The following SLC9A9 variants were observed in gnomAD, a reference collection of about 807,000 sequenced individuals.
SLC9A9 encodes solute carrier family 9 member A9.
SLC9A9 carries 62 observed loss-of-function variants against 77.8 expected under a neutral mutation model. The ratio of observed to expected loss-of-function variants is 0.80; its 90% CI spans 0.65 to 0.98. The LOEUF is 0.98. Among genes scored for constraint, SLC9A9 ranks in the 50% least tolerant of loss-of-function variants. The probability of loss-of-function intolerance (pLI) is 0.00; values close to 1 mark genes in which losing one functional copy is unlikely to be tolerated. For missense variants in SLC9A9, 775 were observed against 774.9 expected (o/e 1.00, Z 0.00); for synonymous variants, 320 against 283.5 (o/e 1.13, Z -1.29).
At chr3:143,351,600 G>A (rs1156923316) in intron 14 of SLC9A9, among the ~76,000 whole-genome samples, 1 of 152,080 alleles carries the variant, frequency 6.6e-6, no homozygotes, top group Non-Finnish European at 1.5e-5. Context: ...CCAAAGAGTG[G>A]GATTTGTAGA....
chr3:143,437,795 C>T (rs546633403), intron 12 of SLC9A9, among the ~76,000 whole-genome samples: 1 of 152,212 alleles, frequency 6.6e-6, no homozygotes, highest in East Asian at 1.9e-4. Flanking sequence ...AGAAAAATAG[C>T]GCTTATGAGT....
intron 14 of SLC9A9, among the ~76,000 whole-genome samples, chr3:143,327,336 T>G (rs985553724): frequency 2.0e-5 from 3 of 152,176 alleles, no homozygotes; most frequent in African/African-American, 7.2e-5. Context: ...TAAAGGAACT[T>G]TCCTCTTAAA....
chr3:143,290,767 G>C (rs1177484074), intron 14 of SLC9A9, among the ~76,000 whole-genome samples: 4 of 152,154 alleles, frequency 2.6e-5, no homozygotes, highest in African/African-American at 9.7e-5. Context: ...TTTCATTATT[G>C]CTGAGACCTT....
chr3:143,271,205 G>T (rs776481874), intron 14 of SLC9A9, among the ~76,000 whole-genome samples: 12 of 152,288 alleles, frequency 7.9e-5, no homozygotes, highest in South Asian at 2.1e-4. Context: ...AGATAAGGGG[G>T]TACAACTATA....
intron 4 of SLC9A9, among the ~76,000 whole-genome samples, chr3:143,767,535 C>T (rs182040885): frequency 6.6e-6 from 1 of 152,202 alleles, no homozygotes; most frequent in Admixed American, 6.5e-5. Context: ...TGACTCACCT[C>T]ATTCTTATAT....
intron 6 of SLC9A9, among the ~76,000 whole-genome samples, chr3:143,597,573 G>T (rs960431544): frequency 2.6e-5 from 4 of 152,182 alleles, no homozygotes; most frequent in Non-Finnish European, 4.4e-5. Flanking sequence ...GTTGATGAGA[G>T]CTGCTGCTGA....
chr3:143,748,780 T>G (rs1935262937), intron 4 of SLC9A9, among the ~76,000 whole-genome samples: 1 of 145,038 alleles, frequency 6.9e-6, no homozygotes, highest in South Asian at 2.3e-4. Flanking sequence ...CTCGGCTCAC[T>G]GCAAGCTCCG....
intron 6 of SLC9A9, among the ~76,000 whole-genome samples, chr3:143,643,886 T>C (rs777492700): frequency 1.2e-4 from 18 of 151,822 alleles, no homozygotes; most frequent in Non-Finnish European, 1.6e-4. Flanking sequence ...GTGATTGGCT[T>C]ATGGGTGATC....
At chr3:143,799,583 G>A (rs988943993) in intron 2 of SLC9A9, among the ~76,000 whole-genome samples, 1 of 152,164 alleles carries the variant, frequency 6.6e-6, no homozygotes, top group African/African-American at 2.4e-5. Flanking sequence ...TGGCCACTGG[G>A]CCAAGGAATG....
intron 6 of SLC9A9, among the ~76,000 whole-genome samples, chr3:143,595,059 C>A (rs2037730153): frequency 6.6e-6 from 1 of 152,114 alleles, no homozygotes; most frequent in African/African-American, 2.4e-5. Context: ...TGGAGTACAT[C>A]TAGACAGGAT....
intron 11 of SLC9A9, among the ~76,000 whole-genome samples, chr3:143,491,750 T>C (rs894239667): frequency 6.6e-6 from 1 of 152,176 alleles, no homozygotes; most frequent in African/African-American, 2.4e-5. Flanking sequence ...CTCAAAGCAT[T>C]GTTTGTCAAA....
intron 14 of SLC9A9, among the ~76,000 whole-genome samples, chr3:143,357,747 C>T (rs1235115532): frequency 6.6e-6 from 1 of 152,082 alleles, no homozygotes; most frequent in East Asian, 1.9e-4. Context: ...TCAGTTGCCT[C>T]ATTTATAAAA....
At chr3:143,791,679 A>G (rs572542942) in intron 4 of SLC9A9, among the ~76,000 whole-genome samples, 2 of 152,292 alleles carry the variant, frequency 1.3e-5, no homozygotes, top group South Asian at 4.1e-4. Context: ...ATCCTTCTCC[A>G]CTAAATGTCT....
chr3:143,625,840 G>C (rs1182222028), intron 6 of SLC9A9, among the ~76,000 whole-genome samples: 2 of 152,140 alleles, frequency 1.3e-5, no homozygotes, highest in African/African-American at 2.4e-5. Flanking sequence ...CCTACAGAAT[G>C]GGAGAAAATT....
chr3:143,647,792 G>A (rs545534842), intron 6 of SLC9A9, among the ~76,000 whole-genome samples: 20 of 151,798 alleles, frequency 1.3e-4, no homozygotes, highest in African/African-American at 4.3e-4. Context: ...ATCAGTTTTG[G>A]TTGTGAGCAC....
At chr3:143,689,899 G>A (rs191758014) in intron 5 of SLC9A9, among the ~76,000 whole-genome samples, 1 of 152,050 alleles carries the variant, frequency 6.6e-6, no homozygotes, top group African/African-American at 2.4e-5. Flanking sequence ...GGGTAAAGGA[G>A]ACAGGGAGAG....
intron 11 of SLC9A9, among the ~76,000 whole-genome samples, chr3:143,482,749 T>C (rs12488945): frequency 0.32 from 48,098 of 152,166 alleles, 8,669 homozygotes; most frequent in African/African-American, 0.5. Context: ...TTAAAACAAG[T>C]GGACTGATCT....
At chr3:143,768,340 T>C (rs1377225156) in intron 4 of SLC9A9, among the ~76,000 whole-genome samples, 1 of 152,202 alleles carries the variant, frequency 6.6e-6, no homozygotes, top group Non-Finnish European at 1.5e-5. Flanking sequence ...TGTATATTAA[T>C]TTATTTAATC....
intron 14 of SLC9A9, among the ~76,000 whole-genome samples, chr3:143,321,530 C>T (rs922520591): frequency 2.6e-5 from 4 of 152,156 alleles, no homozygotes; most frequent in African/African-American, 9.7e-5. Context: ...TCTTCATTGG[C>T]TGCCTTTCAT....
Sources: gnomAD v4.1 joint callset for allele counts (sites outside exome capture counted in the v4.1 genomes callset) on GRCh38, gnomAD v4.1.1 for gene constraint, MANE v1.5 for transcripts, NCBI Gene and HGNC (gene_info 2026-07-23, HGNC 2026-07-21) for gene names.